The following FLG variants were observed in gnomAD, a reference collection of about 807,000 sequenced individuals.
FLG encodes the protein filaggrin, also known as epidermal filaggrin.
FLG carries 6 observed loss-of-function variants against 3.8 expected under a neutral mutation model. The ratio of observed to expected loss-of-function variants is 1.60; its 90% CI spans 0.87 to 3.15. The LOEUF (loss-of-function observed/expected upper bound fraction) is 3.15. Ranked by LOEUF, FLG falls within the 30% of genes most tolerant of loss-of-function variation. The pLI is 0.00. For missense variants in FLG, 7,595 were observed against 5,050.9 expected, an observed-to-expected ratio of 1.50 and a Z score of -15.27; for synonymous variants, 2,551 against 1,931.6, an observed-to-expected ratio of 1.32 and a Z score of -8.41.
chr1:152,309,540 T>A lies in FLG; in HGVS notation c.5346A>T (p.Thr1782=). The A allele has an allele frequency of 6.2e-7, 1 of 1,613,890 alleles. No individual in the cohort carries two copies. Among genetic ancestry groups the A allele is most frequent in the South Asian group, 1.1e-5 (1 of 91,060 alleles). ...TTTGTCTTCCTCCAGTGCTGGGCCC[T>A]GTGCGTCCATGGGCGGACTCAGACT... ...HEQSESAHGR[T]GPSTGGRQRS... Residue 1782 remains threonine (T), a synonymous_variant, in exon 3 of 3, where the codon ACA becomes ACT. Transcript: ENST00000368799.
At position 152,311,958 on chromosome 1, in the gene FLG, C is replaced by G. The variant is rs898024722; in HGVS notation, c.2928G>C (p.Glu976Asp). The G allele has an allele frequency of 6.2e-7, 1 of 1,614,088 alleles. No individual in the cohort carries two copies. The change falls in exon 3 of 3, where the codon GAG becomes GAC. Residue 976 changes from glutamate to aspartate, a missense_variant. By Grantham distance (45) the Glu-to-Asp change is conservative. Transcript: ENST00000368799. ...ASRNHRGSAQ[E>D]QSRHGSRHPR... is the part of the protein sequence containing the mutation. Reference sequence around the variant, plus strand: ...GGTGTCTGGAGCCATGTCTTGACTGCTCCTGAGCAGATCCACGATGGTTTC... The same window carrying G: ...GGTGTCTGGAGCCATGTCTTGACTGGTCCTGAGCAGATCCACGATGGTTTC...
At position 152,307,446 on chromosome 1, in the gene FLG, T is replaced by A. The variant is rs763521747; in HGVS notation, c.7440A>T (p.Gln2480His). ...CTGAGTGTCCAGATCTATCTACCAATTGCTCGTAGTGGGATCCCTGCCTTC... is the reference window on the plus strand; with the variant it reads ...CTGAGTGTCCAGATCTATCTACCAAATGCTCGTAGTGGGATCCCTGCCTTC... ...SGGRQGSHYE[Q>H]LVDRSGHSGS... The change falls in exon 3 of 3, where the codon CAA (glutamine) becomes CAT (histidine). Residue 2480 changes from glutamine (Q) to histidine (H), a missense_variant. Coordinates refer to ENST00000368799, the MANE Select transcript of FLG (RefSeq NM_002016.2). The A allele has an allele frequency of 7.4e-6, 12 of 1,612,942 alleles. No individual in the cohort carries two copies. Among genetic ancestry groups the A allele is most frequent in the South Asian group, 4.4e-5 (4 of 90,984 alleles).
intron 1 of FLG, among the ~76,000 whole-genome samples, chr1:152,319,308 A>ATGTGTGTG (rs138449164): frequency 8.7e-4 from 126 of 145,292 alleles, no homozygotes; most frequent in African/African-American, 3.1e-3. Context: ...CAACTAGAAA[A>ATGTGTGTG]TGTGTGTGTG....
Position 152,312,929 on chromosome 1 carries a change from A to G in FLG, c.1957T>C (p.Ser653Pro), listed in dbSNP as rs755498028. The change falls in exon 3 of 3, where the codon TCA becomes CCA. Residue 653 changes from serine to proline, a missense_variant. Physicochemically the swap from Ser to Pro is moderately conservative, Grantham distance 74. Transcript: ENST00000368799. ...RNHHGSAQEQSRDGSRHPRSH... is the reference protein window; with the variant it reads ...RNHHGSAQEQPRDGSRHPRSH... ...CTGGGGTGTCTGGAGCCATCTCTTG[A>G]CTGCTCCTGAGCAGATCCATGATGG... 34 of 1,613,674 alleles carry G rather than the reference A, an allele frequency of 2.1e-5. No homozygotes were observed. The Middle Eastern group carries it at 8.2e-4, about 39-fold the overall frequency.
rs766446268 is a variant in FLG, at chr1:152,309,226, T to G, written c.5660A>C (p.Glu1887Ala). Residue 1887 changes from glutamate to alanine, a missense_variant, in exon 3 of 3, where the codon GAA (glutamate) becomes GCA (alanine). Transcript: ENST00000368799. ...AGAGCTGTCGGCCCGAGAGGAAGCT[T>G]CATGGTGACGCGACCCTGAGTGCCT... Reference protein sequence around the residue: ...GSRHSGSRHHEASSRADSSRH... With the variant: ...GSRHSGSRHHAASSRADSSRH... 6.2e-7 allele frequency: 1 copy of G among 1,613,772 alleles called. No homozygotes were observed. The highest frequency in any genetic ancestry group is 1.1e-5 in the South Asian group (1 of 91,066).
Position 152,313,092 on chromosome 1 carries a change from A to T in FLG, c.1794T>A (p.Ser598=), listed in dbSNP as rs1003848767. Residue 598 remains serine, a synonymous_variant, in exon 3 of 3, where the codon TCT becomes TCA. Coordinates refer to ENST00000368799, the MANE Select transcript of FLG (RefSeq NM_002016.2). ...HHEASSQADS[S]RHSQVGQGQS... Reference sequence around the variant, plus strand: ...GTCCCTGGCCCACCTGTGAGTGTCTAGAGCTGTCAGCCTGAGAGGAAGCTT... The same window carrying T: ...GTCCCTGGCCCACCTGTGAGTGTCTTGAGCTGTCAGCCTGAGAGGAAGCTT... 2 of 1,613,764 alleles carry T rather than the reference A, an allele frequency of 1.2e-6. No individual in the cohort carries two copies. Among genetic ancestry groups the T allele is most frequent in the Middle Eastern group, 1.6e-4 (1 of 6,084 alleles).
intron 2 of FLG, 114 bp downstream of exon 2, chr1:152,315,205 A>T: frequency 1.9e-6 from 2 of 1,030,982 alleles, no homozygotes; most frequent in Non-Finnish European, 3.0e-6. Context: ...AGACAAGATT[A>T]ACTCTTTTCC....
Position 152,307,706 on chromosome 1 carries a change from G to C in FLG, c.7180C>G (p.Gln2394Glu). 6.2e-7 allele frequency: 1 copy of C among 1,613,484 alleles called. No homozygotes were observed. ...CCACGTGTGGACTCTTGGTGGCTCT[G>C]CTGATGGGGCCCAGCCTGTCCGTGG... ...SAHGQAGPHQ[Q>E]SHQESTRGRS... Residue 2394 changes from glutamine (Q) to glutamate (E), a missense_variant, in exon 3 of 3, where the codon CAG (glutamine) becomes GAG (glutamate). Gln to Glu is a conservative substitution (Grantham distance 29). Transcript: ENST00000368799.
Position 152,303,715 on chromosome 1 carries a change from T to C in FLG, c.11171A>G (p.His3724Arg). The C allele has an allele frequency of 6.2e-7, 1 of 1,613,960 alleles. No individual in the cohort carries two copies. Among genetic ancestry groups the C allele is most frequent in the Non-Finnish European group, 8.5e-7 (1 of 1,179,968 alleles). The change falls in exon 3 of 3, where the codon CAT (histidine) becomes CGT (arginine). Residue 3724 changes from histidine (H) to arginine (R), a missense_variant. Transcript: ENST00000368799. ...VSTHEQSESA[H>R]GRAGPSTGGR... ...TCCAGTACTGGGCCCAGCCCGTCCATGGGCAGACTCAGACTGTTCATGAGT... is the reference window on the plus strand; with the variant it reads ...TCCAGTACTGGGCCCAGCCCGTCCACGGGCAGACTCAGACTGTTCATGAGT...
chr1:152,303,206 G>A lies in FLG; in HGVS notation c.11680C>T (p.Gln3894Ter). ...SRNHHGSSRE[Q>*]SRDGSRHPGS... ...GGGTGTCTGGAGCCATCTCTTGACT[G>A]CTCCCGAGAAGATCCATGATGGTTT... is the stretch of plus-strand genomic sequence containing the variant. Residue 3894 changes from glutamine to a stop codon, truncating the protein, a stop_gained, in exon 3 of 3, where the codon CAG becomes TAG. Transcript: ENST00000368799. LOFTEE classifies it low-confidence loss of function (END_TRUNC). The A allele has an allele frequency of 6.2e-7, 1 of 1,614,118 alleles. No individual in the cohort carries two copies. Among genetic ancestry groups the A allele is most frequent in the Non-Finnish European group, 8.5e-7 (1 of 1,180,030 alleles).
In FLG at chr1:152,311,345, G is replaced by A. The variant is rs528500943; in HGVS notation, c.3541C>T (p.His1181Tyr). ...SRRGGRQGSH[H>Y]EQSVDRSGHS... ...CCAGATCTATCTACCGATTGCTCAT[G>A]GTGGGATCCCTGCCTTCCTCCTCTC... The change falls in exon 3 of 3, where the codon CAT becomes TAT. Residue 1181 changes from histidine (H) to tyrosine (Y), a missense_variant. Coordinates refer to ENST00000368799, the MANE Select transcript of FLG (RefSeq NM_002016.2). The A allele has an allele frequency of 1.9e-4, 307 of 1,613,802 alleles. No individual in the cohort carries two copies. The highest frequency in any genetic ancestry group is 1.6e-3 in the South Asian group (149 of 91,050).
chr1:152,307,269 A>G lies in FLG; in HGVS notation c.7617T>C (p.Ser2539=). 1 of 1,612,984 alleles carries G rather than the reference A, an allele frequency of 6.2e-7. No homozygotes were observed. Among genetic ancestry groups the G allele is most frequent in the Non-Finnish European group, 8.5e-7 (1 of 1,179,940 alleles). Residue 2539 remains serine (S), a synonymous_variant, in exon 3 of 3, where the codon TCT becomes TCC. Coordinates refer to ENST00000368799, the MANE Select transcript of FLG (RefSeq NM_002016.2). ...GCGAGTGTCCAGAGCTGTCGGCCCG[A>G]GAGGAAGCTTCATGGTGACGCGACC... is the stretch of plus-strand genomic sequence containing the variant. ...HSGSRHHEAS[S]RADSSGHSQV...
rs749832540 is a variant in FLG at position 152,308,294 on chromosome 1, G to A, written c.6592C>T (p.Gln2198Ter). 4 of 1,613,544 alleles carry A rather than the reference G, an allele frequency of 2.5e-6. No individual in the cohort carries two copies. In the East Asian group the frequency reaches 6.7e-5, roughly 27 times the overall value. Residue 2198 changes from glutamine to a stop codon, truncating the protein, a stop_gained, in exon 3 of 3, where the codon CAA becomes TAA. Transcript: ENST00000368799. LOFTEE classifies it low-confidence loss of function (END_TRUNC). ...GAGTGCCTAGAGCCATCTCCTGATT[G>A]TTCCTTGTCATATGTTTTTCTGCTT... Reference protein sequence around the residue: ...SASRKTYDKEQSGDGSRHSGS... With the variant: ...SASRKTYDKE
In FLG at chr1:152,311,851, GTC is replaced by G. The variant is rs747483331; in HGVS notation, c.3033_3034del (p.Glu1011AspfsTer12). 1.9e-6 allele frequency: 3 copies of G among 1,613,962 alleles called. No homozygotes were observed. The highest frequency in any genetic ancestry group is 2.5e-6 in the Non-Finnish European group (3 of 1,179,988). ...TGACGCAGCCTGTCCACCAGAGGAA[GTC>G]TCTGCGTGAGGAGTTCCTGATTGTC... On this transcript the variant is annotated frameshift_variant, in exon 3 of 3. Coordinates refer to ENST00000368799, the MANE Select transcript of FLG (RefSeq NM_002016.2). LOFTEE classifies it low-confidence loss of function (END_TRUNC).
In FLG at chr1:152,314,755, G is replaced by C. The variant is rs1275565497; in HGVS notation, c.139-8C>G. The C allele has an allele frequency of 1.2e-6, 2 of 1,613,686 alleles. No homozygotes were observed. Among genetic ancestry groups the C allele is most frequent in the Non-Finnish European group, 8.5e-7 (1 of 1,179,766 alleles). On this transcript the variant is annotated splice_region_variant and splice_polypyrimidine_tract_variant and intron_variant, in intron 2 of 2. Coordinates refer to ENST00000368799, the MANE Select transcript of FLG (RefSeq NM_002016.2). ...ATCTGGGTCATCTGGATTCTGTACA[G>C]AGGGAAGTCACAGAGGGAGACTGCA... is the stretch of plus-strand genomic sequence containing the variant.
In FLG at chr1:152,302,572, A is replaced by G; in HGVS notation, c.*128T>C. 1 of 1,189,038 alleles carries G rather than the reference A, an allele frequency of 8.4e-7. No homozygotes were observed. The highest frequency in any genetic ancestry group is 1.2e-6 in the Non-Finnish European group (1 of 858,652). 73.7% of individuals were successfully genotyped at this position (1,189,038 alleles called of 1,614,324 possible). ...TAAGCTACCACCAAACTAATGAAATACTATAGCATATTTTAAACAGATTGA... is the reference window on the plus strand; with the variant it reads ...TAAGCTACCACCAAACTAATGAAATGCTATAGCATATTTTAAACAGATTGA... On this transcript the variant is annotated 3_prime_UTR_variant, in exon 3 of 3. Transcript: ENST00000368799.
intron 1 of FLG, among the ~76,000 whole-genome samples, chr1:152,319,261 G>C (rs771480300): frequency 1.3e-5 from 2 of 150,376 alleles, no homozygotes; most frequent in African/African-American, 2.4e-5. Context: ...AGATTGCTTT[G>C]TGCAATTGTT....
At chr1:152,317,939 T>G (rs1652840852) in intron 1 of FLG, among the ~76,000 whole-genome samples, 1 of 152,068 alleles carries the variant, frequency 6.6e-6, no homozygotes, top group Non-Finnish European at 1.5e-5. Flanking sequence ...GATTCTCCTT[T>G]TCTTACATCC....
At position 152,304,436 on chromosome 1, in the gene FLG, T is replaced by C. The variant is rs1205756804; in HGVS notation, c.10450A>G (p.Ser3484Gly). 1.2e-5 allele frequency: 19 copies of C among 1,612,168 alleles called. No homozygotes were observed. Among genetic ancestry groups the C allele is most frequent in the Non-Finnish European group, 1.6e-5 (19 of 1,179,224 alleles). Residue 3484 changes from serine (S) to glycine (G), a missense_variant, in exon 3 of 3, where the codon AGT becomes GGT. Coordinates refer to ENST00000368799, the MANE Select transcript of FLG (RefSeq NM_002016.2). ...DASRGQSGSRSASRQTRNDEQ... is the reference protein window; with the variant it reads ...DASRGQSGSRGASRQTRNDEQ... ...TCATTACGAGTTTGTCTGCTGGCAC[T>C]TCTGGATCCTGACTGCCCACGGGAG...
Sources: gnomAD v4.1 joint callset for allele counts (sites outside exome capture counted in the v4.1 genomes callset) on GRCh38, gnomAD v4.1.1 for gene constraint, MANE v1.5 for transcripts, NCBI Gene and HGNC (gene_info 2026-07-23, HGNC 2026-07-21) for gene names.